NUDT18: variants seen among roughly 807,000 people sequenced by gnomAD.
NUDT18 encodes the protein 8-oxo-dGDP phosphatase NUDT18.
NUDT18 carries 26 observed loss-of-function variants against 27.6 expected under a neutral mutation model. That is an observed-to-expected ratio of 0.94 (90% CI 0.69 to 1.31). The LOEUF (loss-of-function observed/expected upper bound fraction) is 1.31, where lower values mean the gene tolerates loss of function less well. Among genes scored for constraint, NUDT18 ranks in the 50% most tolerant of loss-of-function variants. The pLI, the probability that NUDT18 is intolerant of heterozygous loss-of-function variation, is 0.00. For synonymous variants in NUDT18, 220 were observed against 196.9 expected, an observed-to-expected ratio of 1.12 and a Z score of -0.98; for missense variants, 450 against 433.4, an observed-to-expected ratio of 1.04 and a Z score of -0.34.
rs1826419463 is a variant in NUDT18, at chr8:22,109,165, C to T, written c.136G>A (p.Val46Met). ...TGCTCGCTGAGGAACACGGCCAGCA[C>T]CACGTAGCACACGTTCTTCCGCAGC... ...VRLRKNVCYV[V>M]LAVFLSEQDE... Residue 46 changes from valine (V) to methionine (M), a missense_variant, in exon 1 of 3, where the codon GTG becomes ATG. Coordinates refer to ENST00000611621, the MANE Select transcript of NUDT18 (RefSeq NM_024815.4). 8 of 1,454,538 alleles carry T rather than the reference C, an allele frequency of 5.5e-6. No individual in the cohort carries two copies. The highest frequency in any genetic ancestry group is 7.2e-6 in the Non-Finnish European group (8 of 1,114,210). 90.1% of individuals were successfully genotyped at this position (1,454,538 alleles called of 1,614,324 possible).
chr8:22,108,023 C>T (rs1826397566), intron 2 of NUDT18, 110 bp downstream of exon 2: 2 of 1,360,000 alleles, frequency 1.5e-6, no homozygotes, highest in Admixed American at 2.9e-5. Context: ...CTGCCCATGC[C>T]AGGCTGTGCC....
Position 22,109,370 on chromosome 8 carries a change from C to CTGCGGAGCCCGCTCCCAGTCCA in NUDT18, c.-71_-70insTGGACTGGGAGCGGGCTCCGCA, listed in dbSNP as rs1826427719. 1 of 1,280,046 alleles carries CTGCGGAGCCCGCTCCCAGTCCA rather than the reference C, an allele frequency of 7.8e-7. No homozygotes were observed. The highest frequency in any genetic ancestry group is 9.9e-7 in the Non-Finnish European group (1 of 1,014,188). 79.3% of individuals were successfully genotyped at this position (1,280,046 alleles called of 1,614,324 possible). On this transcript the variant is annotated 5_prime_UTR_variant, in exon 1 of 3. In the 5' UTR this introduces an upstream ATG that the reference lacks. Transcript: ENST00000611621. ...GAGCCGAGCCGCGGGCTAGAGTGCG[C>CTGCGGAGCCCGCTCCCAGTCCA]TGCGGAGCCCGCTCCCAGTCCCTGC...
At position 22,107,640 on chromosome 8, in the gene NUDT18, A is replaced by C. The variant is rs1424498369; in HGVS notation, c.632T>G (p.Met211Arg). The C allele has an allele frequency of 1.2e-6, 2 of 1,613,010 alleles. No homozygotes were observed. Among genetic ancestry groups the C allele is most frequent in the African/African-American group, 2.7e-5 (2 of 74,890 alleles). Residue 211 changes from methionine (M) to arginine (R), a missense_variant, in exon 3 of 3, where the codon ATG (methionine) becomes AGG (arginine). Transcript: ENST00000611621. ...TVWVLVGTVG[M>R]PHLPVTACGL... is the part of the protein sequence containing the mutation. Reference sequence around the variant, plus strand: ...ACAGGCAGTGACAGGCAAGTGAGGCATCCCCACTGTGCCCACTAACACCCA... The same window carrying C: ...ACAGGCAGTGACAGGCAAGTGAGGCCTCCCCACTGTGCCCACTAACACCCA...
rs576123157 is a variant in NUDT18, at chr8:22,107,233, CAGAG to C, written c.*63_*66del. 4.1e-4 allele frequency: 528 copies of C among 1,284,718 alleles called. 2 individuals carry two copies. The African/African-American group carries it at 6.3e-3, about 15-fold the overall frequency. 79.6% of individuals were successfully genotyped at this position (1,284,718 alleles called of 1,614,324 possible). ...CTGATCGCCAGCCTCTTGCCTCCCTCAGAGGGAGACAAGTCCGCACTGGAGGGAG... is the reference window on the plus strand; with the variant it reads ...CTGATCGCCAGCCTCTTGCCTCCCTCGGAGACAAGTCCGCACTGGAGGGAG... On this transcript the variant is annotated 3_prime_UTR_variant, in exon 3 of 3. Coordinates refer to ENST00000611621, the MANE Select transcript of NUDT18 (RefSeq NM_024815.4).
rs201204920 is a variant in NUDT18, at chr8:22,107,433, C to A, written c.839G>T (p.Ser280Ile). 1.6e-3 allele frequency: 2,520 copies of A among 1,613,382 alleles called. 31 individuals are homozygous for A. Among genetic ancestry groups the A allele is most frequent in the Middle Eastern group, 9.1e-3 (55 of 6,062 alleles). Residue 280 changes from serine (S) to isoleucine (I), a missense_variant, in exon 3 of 3, where the codon AGC becomes ATC. Ser to Ile is a moderately radical substitution (Grantham distance 142). Transcript: ENST00000611621. ...LNVLVTVAFRSPGIQDEPPKV... is the reference protein window; with the variant it reads ...LNVLVTVAFRIPGIQDEPPKV... ...TGGGGGTTCATCCTGGATCCCTGGGCTCCGAAAAGCCACGGTCACCAGCAC... is the reference window on the plus strand; with the variant it reads ...TGGGGGTTCATCCTGGATCCCTGGGATCCGAAAAGCCACGGTCACCAGCAC...
At chr8:22,108,004 G>T in intron 2 of NUDT18, 109 bp from the exon 3 acceptor site, 3 of 1,359,174 alleles carry the variant, frequency 2.2e-6, no homozygotes, top group Non-Finnish European at 2.9e-6. Context: ...CCAGCCCAAA[G>T]GCTGGAATCT....
At chr8:22,108,478 C>T in intron 1 of NUDT18, 132 bp from the exon 2 acceptor site, 1 of 720,878 alleles carries the variant, frequency 1.4e-6, no homozygotes, top group South Asian at 1.8e-5. Context: ...CTCCAGGAGA[C>T]CTGCCCTCGT....
Position 22,109,331 on chromosome 8 carries a change from C to T in NUDT18, c.-31G>A. On this transcript the variant is annotated 5_prime_UTR_variant, in exon 1 of 3. Transcript: ENST00000611621. ...CCCCCGGGGGGCGGCGGGCCGGATC[C>T]TCGCAGACCGACTGAGCCGAGCCGC... The T allele has an allele frequency of 7.5e-7, 1 of 1,329,840 alleles. No individual in the cohort carries two copies. Among genetic ancestry groups the T allele is most frequent in the South Asian group, 1.9e-5 (1 of 51,756 alleles). 82.4% of individuals were successfully genotyped at this position (1,329,840 alleles called of 1,614,324 possible).
rs1285663583 is a variant in NUDT18, at chr8:22,107,134, C to G, written c.*166G>C. 3 of 611,718 alleles carry G rather than the reference C, an allele frequency of 4.9e-6. No homozygotes were observed. The African/African-American group carries it at 5.5e-5, about 11-fold the overall frequency. 37.9% of individuals were successfully genotyped at this position (611,718 alleles called of 1,614,324 possible). On this transcript the variant is annotated 3_prime_UTR_variant, in exon 3 of 3. Transcript: ENST00000611621. ...TTAAAGGCACTGTCCCTTGTGCAAT[C>G]TAGAGGAATGCTCCTCAAAGCATCT...
In NUDT18 at chr8:22,107,514, C is replaced by A. The variant is rs1351528503; in HGVS notation, c.758G>T (p.Gly253Val). The A allele has an allele frequency of 3.1e-6, 5 of 1,612,974 alleles. No homozygotes were observed. The highest frequency in any genetic ancestry group is 4.2e-6 in the Non-Finnish European group (5 of 1,179,842). ...GCCCAGGTGCTGCAGTCCAAGCAAC[C>A]CCTTGATCTCCACCACCAAGTGGTG... ...TLHHLVVEIK[G>V]LLGLQHLGRD... Residue 253 changes from glycine (G) to valine (V), a missense_variant, in exon 3 of 3, where the codon GGG becomes GTG. By Grantham distance (109) the Gly-to-Val change is moderately radical. Transcript: ENST00000611621.
At position 22,108,365 on chromosome 8, in the gene NUDT18, C is replaced by T; in HGVS notation, c.163-19G>A. The T allele has an allele frequency of 6.5e-7, 1 of 1,549,418 alleles. No homozygotes were observed. The highest frequency in any genetic ancestry group is 8.7e-7 in the Non-Finnish European group (1 of 1,147,316). On this transcript the variant is annotated intron_variant, in intron 1 of 2. Transcript: ENST00000611621. Reference sequence around the variant, plus strand: ...CCTCATCCTGAGAGGAGAGAGGATCCTCACTTCCTGCCACAGCCTTCCCTC... The same window carrying T: ...CCTCATCCTGAGAGGAGAGAGGATCTTCACTTCCTGCCACAGCCTTCCCTC...
rs985602871 is a variant in NUDT18, at chr8:22,109,109, G to A, written c.162+30C>T. The A allele has an allele frequency of 3.6e-6, 5 of 1,388,158 alleles. No homozygotes were observed. In the African/African-American group the frequency reaches 7.7e-5, roughly 21 times the overall value. The allele number at this position is 1,388,158 out of a possible 1,614,324, so 86.0% of individuals were successfully genotyped here. A position where few individuals can be genotyped will look rare whatever the true frequency, so the allele number is the denominator to read the frequency against. On this transcript the variant is annotated intron_variant, in intron 1 of 2. Transcript: ENST00000611621. ...ACCTGGGCTGGCTGCGCGCTCCCGA[G>A]GCCCGGCGGGCCCGGGGGCGGCCGC...
intron 2 of NUDT18, 84 bp from the exon 3 acceptor site, chr8:22,107,979 C>A: frequency 7.3e-7 from 1 of 1,376,680 alleles, no homozygotes; most frequent in Non-Finnish European, 9.7e-7. Context: ...CATCCCTGAC[C>A]CAGGAGAGAG....
In NUDT18 at chr8:22,109,119, G is replaced by C. The variant is rs989542873; in HGVS notation, c.162+20C>G. The C allele has an allele frequency of 1.0e-5, 14 of 1,402,072 alleles. No homozygotes were observed. The Admixed American group carries it at 4.3e-4, about 44-fold the overall frequency. The allele number at this position is 1,402,072 out of a possible 1,614,324, so 86.9% of individuals were successfully genotyped here. ...GCTGCGCGCTCCCGAGGCCCGGCGG[G>C]CCCGGGGGCGGCCGCTCACCTGCTC... On this transcript the variant is annotated intron_variant, in intron 1 of 2. Coordinates refer to ENST00000611621, the MANE Select transcript of NUDT18 (RefSeq NM_024815.4).
intron 1 of NUDT18, 72 bp from the exon 2 acceptor site, chr8:22,108,418 A>C: frequency 8.9e-6 from 12 of 1,344,896 alleles, no homozygotes; most frequent in Non-Finnish European, 1.2e-5. Context: ...CATCTCAAAC[A>C]CAGTCGCCCA....
chr8:22,107,721 G>T lies in NUDT18; in HGVS notation c.551C>A (p.Pro184His), dbSNP rs1225360830. The T allele has an allele frequency of 6.2e-7, 1 of 1,613,486 alleles. No homozygotes were observed. The highest frequency in any genetic ancestry group is 1.3e-5 in the African/African-American group (1 of 74,924). Residue 184 changes from proline (P) to histidine (H), a missense_variant, in exon 3 of 3, where the codon CCC becomes CAC. By Grantham distance (77) the Pro-to-His change is moderately conservative. Transcript: ENST00000611621. ...RHPLILPQEL[P>H]CDLVCQRLVA... ...GAGCCGCTGGCAGACCAGATCACAG[G>T]GTAGCTCTTGGGGCAGAATGAGAGG...
In NUDT18 at chr8:22,109,380, C is replaced by CGCTCCCAGTCCCTGCGGAGACT. The variant is rs1314885627; in HGVS notation, c.-81_-80insAGTCTCCGCAGGGACTGGGAGC. ...GCGGGCTAGAGTGCGCTGCGGAGCC[C>CGCTCCCAGTCCCTGCGGAGACT]GCTCCCAGTCCCTGCGGCAGCGGGC... is the stretch of plus-strand genomic sequence containing the variant. On this transcript the variant is annotated 5_prime_UTR_variant, in exon 1 of 3. Coordinates refer to ENST00000611621, the MANE Select transcript of NUDT18 (RefSeq NM_024815.4). The CGCTCCCAGTCCCTGCGGAGACT allele has an allele frequency of 2.3e-6, 3 of 1,298,742 alleles. No homozygotes were observed. Among genetic ancestry groups the CGCTCCCAGTCCCTGCGGAGACT allele is most frequent in the African/African-American group, 3.1e-5 (2 of 64,076 alleles). 80.5% of individuals were successfully genotyped at this position (1,298,742 alleles called of 1,614,324 possible). A position where few individuals can be genotyped will look rare whatever the true frequency, so the allele number is the denominator to read the frequency against.
Position 22,107,521 on chromosome 8 carries a change from TCTC to T in NUDT18, c.748_750del (p.Glu250del). 1.2e-6 allele frequency: 2 copies of T among 1,612,996 alleles called. No individual in the cohort carries two copies. Among genetic ancestry groups the T allele is most frequent in the Non-Finnish European group, 8.5e-7 (1 of 1,179,840 alleles). On this transcript the variant is annotated inframe_deletion, in exon 3 of 3. Transcript: ENST00000611621. ...TGCTGCAGTCCAAGCAACCCCTTGA[TCTC>T]CACCACCAAGTGGTGCAGGGTCAGA...
chr8:22,110,425 C>G (rs897592978), upstream of NUDT18, among the ~76,000 whole-genome samples: 1 of 152,274 alleles, frequency 6.6e-6, no homozygotes, highest in African/African-American at 2.4e-5. Flanking sequence ...AGAGGCCACC[C>G]CTTTCCTCTG....
Sources: gnomAD v4.1 joint callset for allele counts (sites outside exome capture counted in the v4.1 genomes callset) on GRCh38, gnomAD v4.1.1 for gene constraint, MANE v1.5 for transcripts, NCBI Gene and HGNC (gene_info 2026-07-23, HGNC 2026-07-21) for gene names.